PARD3B: variants seen among roughly 807,000 people sequenced by gnomAD.
The protein encoded by PARD3B is partitioning defective 3 homolog B.
In PARD3B, 103 loss-of-function variants were observed where a neutral mutation model predicts 130.2. The ratio of observed to expected loss-of-function variants is 0.79; its 90% confidence interval spans 0.67 to 0.93. PARD3B has a LOEUF of 0.93. Among genes scored for constraint, PARD3B ranks in the 40% least tolerant of loss-of-function variants. The probability of loss-of-function intolerance (pLI) is 0.00; values close to 1 mark genes in which losing one functional copy is unlikely to be tolerated. For synonymous variants in PARD3B, 583 were observed against 553.2 expected, an observed-to-expected ratio of 1.05 and a Z score of -0.76; for missense variants, 1,609 against 1,499.2, an observed-to-expected ratio of 1.07 and a Z score of -1.21.
chr2:205,428,845 G>T (rs1441103339), intron 19 of PARD3B, among the ~76,000 whole-genome samples: 1 of 152,090 alleles, frequency 6.6e-6, no homozygotes, highest in Non-Finnish European at 1.5e-5. Context: ...AAAAGGCTGA[G>T]AAATAATAAT....
intron 15 of PARD3B, among the ~76,000 whole-genome samples, chr2:205,209,453 G>A (rs1357170610): frequency 6.6e-6 from 1 of 152,056 alleles, no homozygotes; most frequent in Admixed American, 6.6e-5. Flanking sequence ...AGCTAAGGAT[G>A]CTTATTCAAA....
chr2:204,845,725 A>G (rs1242591280), intron 2 of PARD3B, among the ~76,000 whole-genome samples: 3 of 152,094 alleles, frequency 2.0e-5, no homozygotes, highest in African/African-American at 7.2e-5. Context: ...ATTTCCGTTG[A>G]TTTTATTTCA....
At chr2:205,483,865 A>G (rs2049336331) in intron 20 of PARD3B, among the ~76,000 whole-genome samples, 2 of 152,326 alleles carry the variant, frequency 1.3e-5, no homozygotes, top group South Asian at 4.1e-4. Context: ...GCTTGTTTAC[A>G]CTTGGAAAAG....
chr2:205,326,837 C>A (rs551776785), intron 18 of PARD3B, among the ~76,000 whole-genome samples: 3 of 152,076 alleles, frequency 2.0e-5, no homozygotes, highest in Non-Finnish European at 4.4e-5. Context: ...CATTCTTGTA[C>A]AGTAGTAAAT....
chr2:204,683,530 G>A (rs781759573), intron 1 of PARD3B, among the ~76,000 whole-genome samples: 3 of 152,164 alleles, frequency 2.0e-5, no homozygotes, highest in Non-Finnish European at 4.4e-5. Context: ...TGCATATTTT[G>A]TATGTACATT....
intron 22 of PARD3B, among the ~76,000 whole-genome samples, chr2:205,599,638 G>A (rs1023514039): frequency 6.6e-6 from 1 of 152,144 alleles, no homozygotes; most frequent in Non-Finnish European, 1.5e-5. Context: ...CTTCAATTTC[G>A]ACCATTTACA....
chr2:204,939,702 A>G (rs889534466), intron 2 of PARD3B, among the ~76,000 whole-genome samples: 3 of 152,204 alleles, frequency 2.0e-5, no homozygotes, highest in Non-Finnish European at 4.4e-5. Flanking sequence ...GGTATTATAA[A>G]CACAGTATTA....
intron 1 of PARD3B, among the ~76,000 whole-genome samples, chr2:204,647,216 C>G (rs2035304341): frequency 6.6e-6 from 1 of 151,742 alleles, no homozygotes. Flanking sequence ...AGGTTGAGTT[C>G]CTTTCTAGAT....
intron 2 of PARD3B, among the ~76,000 whole-genome samples, chr2:204,924,741 A>G (rs1559264483): frequency 6.6e-6 from 1 of 152,126 alleles, no homozygotes; most frequent in Non-Finnish European, 1.5e-5. Context: ...GTTGGAAGGT[A>G]CACACATCTA....
chr2:204,776,044 T>C lies in PARD3B; in HGVS notation c.222+89762T>C, dbSNP rs569421855. On this transcript the variant is annotated intron_variant, in intron 2 of 22. Transcript: ENST00000406610. ...TGTTCAGCAGAAATTCTGGAATTTA[T>C]GTGGCTTTGCTAGCTAGAAAAAACT... is the stretch of plus-strand genomic sequence containing the variant. Among the ~76,000 whole-genome samples, 3 of 152,336 alleles carry C rather than the reference T, an allele frequency of 2.0e-5. No homozygotes were observed. In the East Asian group the frequency reaches 5.8e-4, roughly 29 times the overall value.
At chr2:205,162,978 T>C (rs2034593682) in intron 11 of PARD3B, among the ~76,000 whole-genome samples, 1 of 152,218 alleles carries the variant, frequency 6.6e-6, no homozygotes, top group Non-Finnish European at 1.5e-5. Flanking sequence ...TTTACATCTA[T>C]GGACTACACT....
chr2:205,443,327 T>G (rs1047072904), intron 20 of PARD3B, among the ~76,000 whole-genome samples: 2 of 152,180 alleles, frequency 1.3e-5, no homozygotes, highest in African/African-American at 4.8e-5. Flanking sequence ...ATTCATCTTT[T>G]CATTCCTTCA....
At chr2:204,561,854 C>T (rs1449117194) in intron 1 of PARD3B, among the ~76,000 whole-genome samples, 5 of 152,054 alleles carry the variant, frequency 3.3e-5, no homozygotes, top group Non-Finnish European at 7.4e-5. Flanking sequence ...GCCTCGGGCT[C>T]CCAAAGTGCT....
intron 2 of PARD3B, among the ~76,000 whole-genome samples, chr2:204,724,175 A>G (rs571017038): frequency 1.3e-5 from 2 of 152,184 alleles, no homozygotes; most frequent in Non-Finnish European, 2.9e-5. Flanking sequence ...TTAAAAAAGC[A>G]GTAGATATAG....
At chr2:205,003,306 G>T (rs184925033) in intron 3 of PARD3B, among the ~76,000 whole-genome samples, 1 of 152,152 alleles carries the variant, frequency 6.6e-6, no homozygotes, top group East Asian at 1.9e-4. Context: ...TTCTACTTGC[G>T]ATCTTAATTT....
intron 2 of PARD3B, among the ~76,000 whole-genome samples, chr2:204,772,249 A>G (rs1018942742): frequency 6.6e-6 from 1 of 152,094 alleles, no homozygotes; most frequent in Non-Finnish European, 1.5e-5. Flanking sequence ...GACGTAACAT[A>G]TGTTATTTCC....
chr2:204,672,432 A>G (rs541056446), intron 1 of PARD3B, among the ~76,000 whole-genome samples: 2 of 152,220 alleles, frequency 1.3e-5, no homozygotes, highest in Non-Finnish European at 2.9e-5. Context: ...AGAAATTCTC[A>G]AACTGTTTGT....
chr2:204,565,690 G>A (rs1281043527), intron 1 of PARD3B, among the ~76,000 whole-genome samples: 1 of 152,100 alleles, frequency 6.6e-6, no homozygotes, highest in Non-Finnish European at 1.5e-5. Flanking sequence ...GTGCCGAGGT[G>A]TACATCATTC....
intron 1 of PARD3B, among the ~76,000 whole-genome samples, chr2:204,649,387 C>T (rs1650469428): frequency 1.3e-5 from 2 of 151,926 alleles, no homozygotes; most frequent in East Asian, 3.9e-4. Flanking sequence ...ATGATAGTGT[C>T]ATTGGATGTG....
Sources: gnomAD v4.1 joint callset for allele counts (sites outside exome capture counted in the v4.1 genomes callset) on GRCh38, gnomAD v4.1.1 for gene constraint, MANE v1.5 for transcripts, NCBI Gene and HGNC (gene_info 2026-07-23, HGNC 2026-07-21) for gene names.